Variants in TNR observed in about 807,000 individuals in gnomAD.
TNR encodes tenascin R.
A neutral mutation model predicts 150.4 loss-of-function variants in TNR; 45 were observed. The observed-to-expected ratio is 0.30, with a 90% CI of 0.24 to 0.38. The LOEUF (loss-of-function observed/expected upper bound fraction) is 0.38, where lower values mean the gene tolerates loss of function less well. Ranked by LOEUF, TNR falls within the 10% of genes least tolerant of loss-of-function variation. The pLI is 1.00. For missense variants in TNR, 1,544 were observed against 1,759.1 expected (o/e 0.88, Z 2.19); for synonymous variants, 687 against 678.4 (o/e 1.01, Z -0.20).
At chr1:175,562,324 A>T (rs763309259) in intron 1 of TNR, among the ~76,000 whole-genome samples, 9 of 152,090 alleles carry the variant, frequency 5.9e-5, no homozygotes, top group Admixed American at 1.3e-4. Flanking sequence ...CATTCAATAA[A>T]TGCTCAACTC....
intron 1 of TNR, among the ~76,000 whole-genome samples, chr1:175,742,850 G>A (rs376241895): frequency 6.6e-6 from 1 of 151,794 alleles, no homozygotes; most frequent in Admixed American, 6.6e-5. Context: ...GAAGGTGCAC[G>A]ACTAATTCCC....
Position 175,366,052 on chromosome 1 carries a change from C to T in TNR, c.2140G>A (p.Asp714Asn), listed in dbSNP as rs1158312570. The T allele has an allele frequency of 6.2e-7, 1 of 1,614,002 alleles. No homozygotes were observed. The highest frequency in any genetic ancestry group is 8.5e-7 in the Non-Finnish European group (1 of 1,179,968). The change falls in exon 11 of 23, where the codon GAC becomes AAC. Residue 714 changes from aspartate to asparagine, a missense_variant. Physicochemically the swap from Asp to Asn is conservative, Grantham distance 23. This residue lies in a region of TNR where 1,254 missense variants were observed against 1,329.4 expected (regional missense o/e 0.94). Transcript: ENST00000367674. ...GGGGTAAAGGTAATTCGGTAGTGGT[C>T]AATGGGGCCACTGGCCTTGGTCCAG... ...LIWTKASGPI[D>N]HYRITFTPSS...
At chr1:175,541,403 G>A (rs982473665) in intron 1 of TNR, among the ~76,000 whole-genome samples, 2 of 152,190 alleles carry the variant, frequency 1.3e-5, no homozygotes, top group African/African-American at 4.8e-5. Flanking sequence ...ATTAAATACT[G>A]CTGTATGCTG....
chr1:175,365,536 G>A (rs961648127), intron 11 of TNR, among the ~76,000 whole-genome samples: 11 of 152,172 alleles, frequency 7.2e-5, no homozygotes, highest in Non-Finnish European at 1.3e-4. Flanking sequence ...AGGATTGAAA[G>A]CCTGTATCCT....
chr1:175,554,339 C>CA (rs5778860), intron 1 of TNR, among the ~76,000 whole-genome samples: 2,525 of 115,018 alleles, frequency 0.022, 70 homozygotes, highest in African/African-American at 0.063. Context: ...TCCTACATGG[C>CA]AAAAAAAAAA....
intron 2 of TNR, among the ~76,000 whole-genome samples, chr1:175,523,015 T>G (rs529427496): frequency 6.6e-6 from 1 of 152,354 alleles, no homozygotes; most frequent in South Asian, 2.1e-4. Flanking sequence ...ACATTGACCT[T>G]CGGGACTCTG....
intron 1 of TNR, among the ~76,000 whole-genome samples, chr1:175,732,750 TCAGG>T (rs1667676720): frequency 6.6e-6 from 1 of 152,226 alleles, no homozygotes; most frequent in Non-Finnish European, 1.5e-5. Context: ...TCACGTGTCT[TCAGG>T]CAGGTTTTGT....
intron 2 of TNR, among the ~76,000 whole-genome samples, chr1:175,489,282 A>G (rs1190500559): frequency 6.6e-6 from 1 of 152,194 alleles, no homozygotes; most frequent in Non-Finnish European, 1.5e-5. Context: ...TTCTGAGTGC[A>G]TAACTCATGT....
intron 2 of TNR, among the ~76,000 whole-genome samples, chr1:175,430,549 A>G (rs1187159824): frequency 6.6e-6 from 1 of 152,212 alleles, no homozygotes; most frequent in African/African-American, 2.4e-5. Flanking sequence ...ATGGAATCAG[A>G]AAGCAGAATT....
chr1:175,470,550 A>T (rs2102116457), intron 2 of TNR, among the ~76,000 whole-genome samples: 1 of 152,110 alleles, frequency 6.6e-6, no homozygotes, highest in East Asian at 1.9e-4. Flanking sequence ...GTATATATTT[A>T]TGGGGCACAT....
intron 1 of TNR, among the ~76,000 whole-genome samples, chr1:175,618,324 A>T (rs1663846185): frequency 6.6e-6 from 1 of 152,224 alleles, no homozygotes. Context: ...CCTGAGGTTT[A>T]AAGTGATATC....
intron 1 of TNR, among the ~76,000 whole-genome samples, chr1:175,650,853 C>A (rs1194399120): frequency 2.3e-4 from 13 of 56,470 alleles, no homozygotes; most frequent in South Asian, 5.9e-4. Context: ...TCATTACTAC[C>A]CATCTCCCAC....
chr1:175,603,143 C>A (rs980494367), intron 1 of TNR, among the ~76,000 whole-genome samples: 10 of 152,154 alleles, frequency 6.6e-5, no homozygotes, highest in African/African-American at 2.2e-4. Flanking sequence ...AAGTGATTTA[C>A]CCAAGGTCCA....
intron 2 of TNR, among the ~76,000 whole-genome samples, chr1:175,437,673 C>T (rs1459698627): frequency 6.6e-6 from 1 of 152,062 alleles, no homozygotes; most frequent in Non-Finnish European, 1.5e-5. Context: ...CAAATAGACG[C>T]AATAAAAAAT....
intron 2 of TNR, among the ~76,000 whole-genome samples, chr1:175,514,469 C>T (rs367761788): frequency 6.6e-6 from 1 of 152,202 alleles, no homozygotes; most frequent in Non-Finnish European, 1.5e-5. Flanking sequence ...TTTTCAGCCA[C>T]GAAGTCTGTG....
intron 2 of TNR, among the ~76,000 whole-genome samples, chr1:175,448,852 C>T (rs1016872999): frequency 7.2e-5 from 11 of 152,188 alleles, no homozygotes; most frequent in Non-Finnish European, 1.5e-4. Flanking sequence ...GGATGTGGTT[C>T]TGAGTTGTCC....
At chr1:175,348,910 C>T (rs1403177087) in intron 18 of TNR, among the ~76,000 whole-genome samples, 5 of 151,952 alleles carry the variant, frequency 3.3e-5, no homozygotes, top group Non-Finnish European at 1.5e-5. Context: ...TACAGGAACC[C>T]GGTGGAAAAT....
intron 7 of TNR, 92 bp downstream of exon 7, chr1:175,391,196 C>T (rs1653149501): frequency 6.7e-7 from 1 of 1,503,234 alleles, no homozygotes; most frequent in Non-Finnish European, 9.0e-7. Flanking sequence ...ATTCTAGCAC[C>T]TCTGTTGTCT....
intron 1 of TNR, among the ~76,000 whole-genome samples, chr1:175,644,427 T>G (rs549767891): frequency 1.6e-4 from 24 of 152,250 alleles, no homozygotes; most frequent in African/African-American, 5.8e-4. Context: ...ACAGACGTGG[T>G]GGTATTGGAA....
Sources: gnomAD v4.1 joint callset for allele counts (sites outside exome capture counted in the v4.1 genomes callset) on GRCh38, gnomAD v4.1.1 for gene constraint, gnomAD v4.1.1 regional missense constraint, MANE v1.5 for transcripts, NCBI Gene and HGNC (gene_info 2026-07-23, HGNC 2026-07-21) for gene names.